CEP162: variants seen among roughly 807,000 people sequenced by gnomAD.
CEP162 encodes the protein centrosomal protein 162.
In CEP162, 141 loss-of-function variants were observed where a neutral mutation model predicts 169.2. The observed-to-expected ratio is 0.83, with a 90% CI of 0.73 to 0.96. The LOEUF is 0.96. Among genes scored for constraint, CEP162 ranks in the 40% least tolerant of loss-of-function variants. The pLI is 0.00. For missense variants in CEP162, 1,600 were observed against 1,587.2 expected (o/e 1.01, Z -0.14); for synonymous variants, 540 against 526.4 (o/e 1.03, Z -0.35).
chr6:84,173,241 T>G (rs1363001340), intron 16 of CEP162, among the ~76,000 whole-genome samples: 2 of 152,184 alleles, frequency 1.3e-5, no homozygotes, highest in African/African-American at 2.4e-5. Context: ...CAGATGCTCC[T>G]CAACTTGCTT....
intron 2 of CEP162, among the ~76,000 whole-genome samples, chr6:84,225,732 G>A (rs953722748): frequency 6.8e-6 from 1 of 146,798 alleles, no homozygotes; most frequent in Non-Finnish European, 1.5e-5. Flanking sequence ...GCTATAAAAA[G>A]AATTAAATAC....
At chr6:84,160,345 A>G (rs1165484292) in intron 21 of CEP162, among the ~76,000 whole-genome samples, 1 of 152,154 alleles carries the variant, frequency 6.6e-6, no homozygotes, top group East Asian at 1.9e-4. Context: ...CTAAGCCTGA[A>G]TGGTAAGAAA....
Position 84,146,699 on chromosome 6 carries a change from A to G in CEP162, c.3858T>C (p.Ile1286=). Residue 1286 remains isoleucine, a synonymous_variant, in exon 25 of 27, where the codon ATT becomes ATC. Transcript: ENST00000403245. ...GGCCATTTCTTACCTCTTTCTGTAGAATTTCTTCTCGAACTTCAGAAACTA... is the reference window on the plus strand; with the variant it reads ...GGCCATTTCTTACCTCTTTCTGTAGGATTTCTTCTCGAACTTCAGAAACTA... The part of the protein sequence containing the change: ...SLVVSEVREE[I]LQKEITKLLE... The G allele has an allele frequency of 6.4e-7, 1 of 1,556,342 alleles. No individual in the cohort carries two copies. Among genetic ancestry groups the G allele is most frequent in the Non-Finnish European group, 8.7e-7 (1 of 1,147,180 alleles).
chr6:84,223,500 AAAATAAATAAATAAAT>A (rs539333560), intron 2 of CEP162, among the ~76,000 whole-genome samples: 1 of 150,390 alleles, frequency 6.6e-6, no homozygotes, highest in Non-Finnish European at 1.5e-5. Context: ...CTCTATCTCA[AAAATAAATAAATAAAT>A]AAATAAATAA....
At chr6:84,138,594 A>C (rs1276937286) in intron 25 of CEP162, among the ~76,000 whole-genome samples, 1 of 152,182 alleles carries the variant, frequency 6.6e-6, no homozygotes, top group Non-Finnish European at 1.5e-5. Flanking sequence ...ACCTTTACTC[A>C]GGACACTGAG....
In CEP162 at chr6:84,215,359, C is replaced by G. The variant is rs751304842; in HGVS notation, c.426G>C (p.Leu142Phe). Residue 142 changes from leucine (L) to phenylalanine (F), a missense_variant, in exon 5 of 27, where the codon TTG becomes TTC. Leu to Phe is a conservative substitution (Grantham distance 22). Transcript: ENST00000403245. ...ATCTCGAATAATCAATGGAAGATGT[C>G]AAGCCTTTCTCAAGCCTGGCAAAAA... is the stretch of plus-strand genomic sequence containing the variant. ...EQFFARLEKG[L>F]TSSIDYSRLN... The G allele has an allele frequency of 4.4e-6, 7 of 1,605,780 alleles. No individual in the cohort carries two copies. In the East Asian group the frequency reaches 1.3e-4, roughly 31 times the overall value.
At chr6:84,185,471 C>T (rs1453104083) in intron 12 of CEP162, 23 bp from the exon 13 acceptor site, 3 of 1,574,780 alleles carry the variant, frequency 1.9e-6, no homozygotes, top group Non-Finnish European at 2.6e-6. Flanking sequence ...AACAAAAGCT[C>T]TTTAGTACCT....
In CEP162 at chr6:84,152,856, T is replaced by G; in HGVS notation, c.3318A>C (p.Lys1106Asn). ...TGTCTTTCTGAAGCCTCTCCACAGTTTTTGAGAGGTCTTGTATTTCTCTCT... is the reference window on the plus strand; with the variant it reads ...TGTCTTTCTGAAGCCTCTCCACAGTGTTTGAGAGGTCTTGTATTTCTCTCT... ...AKKREIQDLS[K>N]TVERLQKDRR... Residue 1106 changes from lysine (K) to asparagine (N), a missense_variant, in exon 23 of 27, where the codon AAA (lysine) becomes AAC (asparagine). By Grantham distance (94) the Lys-to-Asn change is moderately conservative. Coordinates refer to ENST00000403245, the MANE Select transcript of CEP162 (RefSeq NM_014895.4). 5 of 1,613,732 alleles carry G rather than the reference T, an allele frequency of 3.1e-6. No homozygotes were observed. The highest frequency in any genetic ancestry group is 4.2e-6 in the Non-Finnish European group (5 of 1,179,794).
intron 3 of CEP162, among the ~76,000 whole-genome samples, chr6:84,216,825 A>G (rs1030514323): frequency 1.3e-5 from 2 of 152,180 alleles, no homozygotes; most frequent in African/African-American, 4.8e-5. Flanking sequence ...AAAATGATTG[A>G]CCATGAGTTA....
At chr6:84,197,889 G>C (rs1432462404) in intron 9 of CEP162, among the ~76,000 whole-genome samples, 4 of 151,952 alleles carry the variant, frequency 2.6e-5, no homozygotes, top group Non-Finnish European at 5.9e-5. Flanking sequence ...AGAGGAAAGG[G>C]GTCTAGTTTC....
Position 84,149,568 on chromosome 6 carries a change from AG to A in CEP162, c.3764del (p.Thr1255IlefsTer6), listed in dbSNP as rs2099520347. On this transcript the variant is annotated frameshift_variant, in exon 24 of 27. Transcript: ENST00000403245. LOFTEE classifies it high-confidence loss of function. ...AAACAGATTTGTCATCTACCTCTTGAGTTGCTATTTTACGATTTAGTTCAGC... is the reference window on the plus strand; with the variant it reads ...AAACAGATTTGTCATCTACCTCTTGATTGCTATTTTACGATTTAGTTCAGC... Reference protein sequence around the residue: ...KVAELNRKIATQEVLIRHFQS... With the variant: ...KVAELNRKIAXQEVLIRHFQS... 1 of 1,592,168 alleles carries A rather than the reference AG, an allele frequency of 6.3e-7. No homozygotes were observed. The highest frequency in any genetic ancestry group is 1.1e-5 in the South Asian group (1 of 87,206).
Position 84,212,834 on chromosome 6 carries a change from C to T in CEP162, c.571+123G>A, listed in dbSNP as rs370629677. 306 of 628,326 alleles carry T rather than the reference C, an allele frequency of 4.9e-4. 3 individuals are homozygous for T. In the East Asian group the frequency reaches 5.7e-3, roughly 12 times the overall value. 38.9% of individuals were successfully genotyped at this position (628,326 alleles called of 1,614,324 possible). A position where few individuals can be genotyped will look rare whatever the true frequency, so the allele number is the denominator to read the frequency against. On this transcript the variant is annotated intron_variant, in intron 6 of 26. Transcript: ENST00000403245. ...CAGCTCAGTTTATAACACAGGCAAA[C>T]CCACTCTATTCAAAGCTCTGAGACA... is the stretch of plus-strand genomic sequence containing the variant.
At chr6:84,215,952 T>C (rs757832153) in intron 3 of CEP162, 30 bp from the exon 4 acceptor site, 8 of 1,491,850 alleles carry the variant, frequency 5.4e-6, no homozygotes, top group Admixed American at 5.4e-5. Context: ...CAGATGAAGA[T>C]TTATGTTCAA....
chr6:84,130,798 AAAC>A (rs2099511035), intron 25 of CEP162, among the ~76,000 whole-genome samples: 2 of 152,084 alleles, frequency 1.3e-5, no homozygotes, highest in Non-Finnish European at 2.9e-5. Flanking sequence ...TCTTTTCAAA[AAAC>A]CAGCTCCTGA....
intron 7 of CEP162, 141 bp downstream of exon 7, chr6:84,203,840 C>G (rs550380388): frequency 2.4e-6 from 1 of 421,392 alleles, no homozygotes; most frequent in Non-Finnish European, 4.2e-6. Context: ...AAATGTTTAA[C>G]TGAGTATTAG....
In CEP162 at chr6:84,171,624, C is replaced by A. The variant is rs568366361; in HGVS notation, c.2261G>T (p.Ser754Ile). 4.7e-6 allele frequency: 7 copies of A among 1,500,482 alleles called. No individual in the cohort carries two copies. In the African/African-American group the frequency reaches 8.5e-5, roughly 18 times the overall value. The allele number at this position is 1,500,482 out of a possible 1,614,324, so 92.9% of individuals were successfully genotyped here. A position where few individuals can be genotyped will look rare whatever the true frequency, so the allele number is the denominator to read the frequency against. ...RMFKENQSLF[S>I]EVASLKEQMH... The stretch of plus-strand genomic sequence containing the variant: ...GACTTACTTTAAGGAAGCTACCTCA[C>A]TGAATAAACTTTGGTTTTCCTTAAA... The change falls in exon 17 of 27, where the codon AGT (serine) becomes ATT (isoleucine). Residue 754 changes from serine to isoleucine, a missense_variant. Transcript: ENST00000403245.
chr6:84,162,792 T>C (rs1230023321), intron 19 of CEP162, among the ~76,000 whole-genome samples: 1 of 152,144 alleles, frequency 6.6e-6, no homozygotes, highest in East Asian at 1.9e-4. Flanking sequence ...CACTACTATT[T>C]ATTCACTTGG....
intron 9 of CEP162, among the ~76,000 whole-genome samples, chr6:84,195,847 A>G (rs1379426244): frequency 6.6e-6 from 1 of 152,252 alleles, no homozygotes; most frequent in South Asian, 2.1e-4. Context: ...AGCTTCAACT[A>G]TTACCCATAT....
chr6:84,220,928 T>C (rs570632951), intron 3 of CEP162, 129 bp downstream of exon 3: 1 of 514,820 alleles, frequency 1.9e-6, no homozygotes, highest in Admixed American at 3.7e-5. Context: ...GAAAATCAAT[T>C]CAAACTTCAA....
Sources: gnomAD v4.1 joint callset for allele counts (sites outside exome capture counted in the v4.1 genomes callset) on GRCh38, gnomAD v4.1.1 for gene constraint, MANE v1.5 for transcripts, NCBI Gene and HGNC (gene_info 2026-07-23, HGNC 2026-07-21) for gene names.